Variants in LAMA2 observed in about 807,000 individuals in gnomAD.
The protein encoded by LAMA2 is laminin subunit alpha-2.
A neutral mutation model predicts 364.8 loss-of-function variants in LAMA2; 269 were observed. The ratio of observed to expected loss-of-function variants is 0.74; its 90% confidence interval spans 0.67 to 0.82. The LOEUF is 0.82. Among genes scored for constraint, LAMA2 ranks in the 40% least tolerant of loss-of-function variants. LAMA2 has a pLI of 0.00. For synonymous variants in LAMA2, 1,379 were observed against 1,370.6 expected (o/e 1.01, Z -0.14); for missense variants, 3,807 against 3,873.2 (o/e 0.98, Z 0.45).
At chr6:129,353,403 G>T in intron 32 of LAMA2, 46 bp downstream of exon 32, 3 of 1,451,146 alleles carry the variant, frequency 2.1e-6, no homozygotes, top group South Asian at 1.1e-5. Context: ...CTTGATTCCA[G>T]TTCTGTCTCA....
rs193048250 is a variant in LAMA2, at chr6:129,483,092, A to G, written c.7749+1653A>G. 2.3e-3 allele frequency among the ~76,000 whole-genome samples: 355 copies of G among 151,498 alleles called. 2 individuals are homozygous for G. The highest frequency in any genetic ancestry group is 2.3e-3 in the Non-Finnish European group (153 of 67,834). On this transcript the variant is annotated intron_variant, in intron 55 of 64. Coordinates refer to ENST00000421865, the MANE Select transcript of LAMA2 (RefSeq NM_000426.4). ...GAAAAAAAAAAAAAAAGAAAAAGAA[A>G]AAAAAGAAAATCTAAAAATAATATA...
At chr6:128,928,838 C>T (rs185809739) in intron 1 of LAMA2, among the ~76,000 whole-genome samples, 1 of 152,290 alleles carries the variant, frequency 6.6e-6, no homozygotes, top group Admixed American at 6.5e-5. Flanking sequence ...TCTTTGTATA[C>T]ACTGTTCACC....
chr6:129,238,555 A>ATG lies in LAMA2; in HGVS notation c.1783-11536_1783-11535dup, dbSNP rs10556188. Among the ~76,000 whole-genome samples, 796 of 146,678 alleles carry ATG rather than the reference A, an allele frequency of 5.4e-3. 5 individuals are homozygous for ATG. Among genetic ancestry groups the ATG allele is most frequent in the African/African-American group, 0.019 (757 of 39,150 alleles). Reference sequence around the variant, plus strand: ...TCACATGAAACCACTGAGCGTGTTCATGTGTGTGTGTGTGTGTGTGTGAGA... The same window carrying ATG: ...TCACATGAAACCACTGAGCGTGTTCATGTGTGTGTGTGTGTGTGTGTGTGAGA... On this transcript the variant is annotated intron_variant, in intron 12 of 64. Coordinates refer to ENST00000421865, the MANE Select transcript of LAMA2 (RefSeq NM_000426.4).
At chr6:128,981,321 G>A (rs1782850725) in intron 1 of LAMA2, among the ~76,000 whole-genome samples, 1 of 152,046 alleles carries the variant, frequency 6.6e-6, no homozygotes, top group Non-Finnish European at 1.5e-5. Context: ...GTCGGCTTCT[G>A]TCACCCAGGA....
At chr6:129,506,002 G>A (rs1748380535) in intron 61 of LAMA2, among the ~76,000 whole-genome samples, 1 of 152,148 alleles carries the variant, frequency 6.6e-6, no homozygotes, top group Admixed American at 6.5e-5. Flanking sequence ...TTGCAAAACA[G>A]GGTAATGATA....
At chr6:128,933,066 G>C (rs1779579731) in intron 1 of LAMA2, among the ~76,000 whole-genome samples, 1 of 152,122 alleles carries the variant, frequency 6.6e-6, no homozygotes. Flanking sequence ...CAACTTTTTA[G>C]ATTCCACATG....
intron 18 of LAMA2, among the ~76,000 whole-genome samples, chr6:129,284,733 G>A (rs1583413691): frequency 1.3e-5 from 2 of 151,896 alleles, no homozygotes; most frequent in African/African-American, 2.4e-5. Flanking sequence ...CTGCACGTCC[G>A]CTCTTTTTCT....
intron 41 of LAMA2, chr6:129,436,765 T>C (rs1470580979): frequency 1.3e-5 from 2 of 152,156 alleles, no homozygotes; most frequent in East Asian, 3.8e-4. Context: ...TGTTGCTTAG[T>C]TTTACAGTTC....
rs1774062739 is a variant in LAMA2, at chr6:129,081,617, T to A, written c.397-16556T>A. On this transcript the variant is annotated intron_variant, in intron 3 of 64. Transcript: ENST00000421865. ...CTGTGCTGGAAGATTTGAGAAAGAT[T>A]ATCATTGGTCCATTTTGTCAAAATC... is the stretch of plus-strand genomic sequence containing the variant. 2.6e-5 allele frequency among the ~76,000 whole-genome samples: 4 copies of A among 152,314 alleles called. No homozygotes were observed. In the South Asian group the frequency reaches 8.3e-4, roughly 32 times the overall value.
chr6:129,161,403 A>C (rs1477196781), intron 8 of LAMA2, among the ~76,000 whole-genome samples: 2 of 152,060 alleles, frequency 1.3e-5, no homozygotes, highest in East Asian at 3.9e-4. Flanking sequence ...TTTGTTTCCC[A>C]TTTGTGTCAC....
At chr6:128,886,443 G>A (rs1582601098) in intron 1 of LAMA2, among the ~76,000 whole-genome samples, 1 of 151,668 alleles carries the variant, frequency 6.6e-6, no homozygotes, top group Non-Finnish European at 1.5e-5. Flanking sequence ...GACAAAAAAG[G>A]TTGGCTCACT....
intron 22 of LAMA2, among the ~76,000 whole-genome samples, chr6:129,305,872 C>CTTCTCTTG (rs1773836368): frequency 6.6e-6 from 1 of 150,702 alleles, no homozygotes; most frequent in South Asian, 2.1e-4. Flanking sequence ...TGTATAACAT[C>CTTCTCTTG]TTCTCTTGAC....
At chr6:129,164,652 A>G (rs1319984053) in intron 8 of LAMA2, among the ~76,000 whole-genome samples, 1 of 152,198 alleles carries the variant, frequency 6.6e-6, no homozygotes, top group African/African-American at 2.4e-5. Context: ...TAGTTAACTT[A>G]AAGTCTGAAT....
chr6:129,366,356 C>A lies in LAMA2; in HGVS notation c.4855C>A (p.Leu1619Ile). The A allele has an allele frequency of 6.2e-7, 1 of 1,613,418 alleles. No homozygotes were observed. The highest frequency in any genetic ancestry group is 8.5e-7 in the Non-Finnish European group (1 of 1,179,888). Reference sequence around the variant, plus strand: ...TGGTCTTGAAAATATGACTCAGGAGCTAAAGGTAGGTTGGTGCAGTCACAA... The same window carrying A: ...TGGTCTTGAAAATATGACTCAGGAGATAAAGGTAGGTTGGTGCAGTCACAA... ...LYGLENMTQE[L>I]KHLLSPQRAP... is the part of the protein sequence containing the mutation. The change falls in exon 33 of 65, where the codon CTA (leucine) becomes ATA (isoleucine). Residue 1619 changes from leucine to isoleucine, a missense_variant. Physicochemically the swap from Leu to Ile is conservative, Grantham distance 5 (BLOSUM62 2). Transcript: ENST00000421865.
At chr6:129,114,557 TC>T (rs1776349384) in intron 4 of LAMA2, among the ~76,000 whole-genome samples, 2 of 152,080 alleles carry the variant, frequency 1.3e-5, no homozygotes, top group African/African-American at 4.8e-5. Context: ...TTGTTTTAAA[TC>T]CAGTGATAAG....
chr6:128,974,968 C>T lies in LAMA2; in HGVS notation c.113-74950C>T, dbSNP rs192702948. On this transcript the variant is annotated intron_variant, in intron 1 of 64. Coordinates refer to ENST00000421865, the MANE Select transcript of LAMA2 (RefSeq NM_000426.4). ...ACGGGTTCACGCCATTCTCCTGCCT[C>T]GGCCTCCGGAGTAGCTGGGACTACA... 6.4e-3 allele frequency among the ~76,000 whole-genome samples: 978 copies of T among 151,864 alleles called. 8 individuals carry two copies. The highest frequency in any genetic ancestry group is 6.0e-3 in the Non-Finnish European group (411 of 67,996).
At chr6:129,482,132 C>T (rs1336459524) in intron 55 of LAMA2, among the ~76,000 whole-genome samples, 1 of 152,042 alleles carries the variant, frequency 6.6e-6, no homozygotes, top group African/African-American at 2.4e-5. Flanking sequence ...ATGATAAGAC[C>T]CTTTCTCTAC....
Position 129,154,566 on chromosome 6 carries a change from T to A in LAMA2, c.1089T>A (p.Asn363Lys). The A allele has an allele frequency of 6.2e-7, 1 of 1,613,970 alleles. No individual in the cohort carries two copies. The highest frequency in any genetic ancestry group is 8.5e-7 in the Non-Finnish European group (1 of 1,179,880). Residue 363 changes from asparagine to lysine, a missense_variant, in exon 8 of 65, where the codon AAT (asparagine) becomes AAA (lysine). By Grantham distance (94) the Asn-to-Lys change is moderately conservative. Coordinates refer to ENST00000421865, the MANE Select transcript of LAMA2 (RefSeq NM_000426.4). ...ATGATGAAAATGTTGCCAGAAGAAA[T>A]CTGAGTTTGAATATACGTGGAAAGT... ...CYYDENVARR[N>K]LSLNIRGKYI...
chr6:129,009,513 G>A (rs1784639624), intron 1 of LAMA2, among the ~76,000 whole-genome samples: 1 of 152,088 alleles, frequency 6.6e-6, no homozygotes. Context: ...TTTTGAAAAA[G>A]TGTGGAGTCA....
Sources: gnomAD v4.1 joint callset for allele counts (sites outside exome capture counted in the v4.1 genomes callset) on GRCh38, gnomAD v4.1.1 for gene constraint, MANE v1.5 for transcripts, NCBI Gene and HGNC (gene_info 2026-07-23, HGNC 2026-07-21) for gene names.